The following MVP variants were observed in gnomAD, a reference collection of about 807,000 sequenced individuals.
MVP encodes the protein lung resistance-related protein.
MVP carries 62 observed loss-of-function variants against 83.5 expected under a neutral mutation model. The ratio of observed to expected loss-of-function variants is 0.74; its 90% CI spans 0.61 to 0.92. The LOEUF (loss-of-function observed/expected upper bound fraction) is 0.92. Ranked by LOEUF, MVP falls within the 40% of genes least tolerant of loss-of-function variation. The pLI is 0.00. For synonymous variants in MVP, 505 were observed against 504.1 expected, an observed-to-expected ratio of 1.00 and a Z score of -0.02; for missense variants, 1,000 against 1,203.4, an observed-to-expected ratio of 0.83 and a Z score of 2.50.
chr16:29,839,979 C>A, intron 7 of MVP, 199 bp from the exon 8 acceptor site: 1 of 532,494 alleles, frequency 1.9e-6, no homozygotes, highest in East Asian at 3.0e-5. Context: ...CACATTTGAC[C>A]AGATGAGATT....
chr16:29,826,904 C>A (rs968859111), intron 1 of MVP, among the ~76,000 whole-genome samples: 1 of 143,566 alleles, frequency 7.0e-6, no homozygotes, highest in African/African-American at 2.6e-5. Flanking sequence ...TCCAGCCTGG[C>A]GACAGAGTGA....
In MVP at chr16:29,833,928, T is replaced by TC. The variant is rs763289584; in HGVS notation, c.446-3dup. On this transcript the variant is annotated splice_polypyrimidine_tract_variant and splice_region_variant and intron_variant, in intron 4 of 14. Transcript: ENST00000357402. ...GATACCTTCTGACCATCACCTTCCCTCCCCAGGCACGTACATCCCCCGGAA... is the reference window on the plus strand; with the variant it reads ...GATACCTTCTGACCATCACCTTCCCTCCCCCAGGCACGTACATCCCCCGGAA... The TC allele has an allele frequency of 2.7e-5, 44 of 1,613,850 alleles. No individual in the cohort carries two copies. Among genetic ancestry groups the TC allele is most frequent in the Non-Finnish European group, 3.4e-5 (40 of 1,179,988 alleles).
chr16:29,832,292 C>CTTTTTTTTTTTTTTTTTTTTT (rs36059297), intron 3 of MVP, among the ~76,000 whole-genome samples: 1 of 107,310 alleles, frequency 9.3e-6, no homozygotes, highest in African/African-American at 4.0e-5. Flanking sequence ...ATTCTTGTAC[C>CTTTTTTTTTTTTTTTTTTTTT]TTTTTTTTTT....
intron 3 of MVP, 115 bp from the exon 4 acceptor site, chr16:29,833,618 A>C: frequency 7.0e-7 from 1 of 1,427,602 alleles, no homozygotes; most frequent in East Asian, 2.4e-5. Context: ...CCTCCACCCC[A>C]GTCTTATTTC....
In MVP at chr16:29,833,870, C is replaced by G; in HGVS notation, c.445+14C>G. On this transcript the variant is annotated intron_variant, in intron 4 of 14. Coordinates refer to ENST00000357402, the MANE Select transcript of MVP (RefSeq NM_005115.5). ...TCGAGGGACCTGGTAAGTTCTGTCT[C>G]CATAGGGCTCCCTGCCTTCCTGTCA... The G allele has an allele frequency of 6.2e-7, 1 of 1,614,110 alleles. No individual in the cohort carries two copies. Among genetic ancestry groups the G allele is most frequent in the South Asian group, 1.1e-5 (1 of 91,076 alleles).
At chr16:29,833,021 C>T (rs188719729) in intron 3 of MVP, among the ~76,000 whole-genome samples, 42 of 151,344 alleles carry the variant, frequency 2.8e-4, no homozygotes, top group African/African-American at 8.2e-4. Flanking sequence ...GCTGAGATTG[C>T]GCCACTGCGC....
chr16:29,822,401 C>G (rs1045292485), intron 1 of MVP: 2 of 152,074 alleles, frequency 1.3e-5, no homozygotes, highest in Non-Finnish European at 2.9e-5. Context: ...CAGGAAGCCG[C>G]TGGGTGAAAA....
rs912568766 is a variant in MVP at position 29,847,404 on chromosome 16, G to A, written c.2454+19G>A. 2.6e-6 allele frequency: 4 copies of A among 1,525,656 alleles called. No homozygotes were observed. The highest frequency in any genetic ancestry group is 2.8e-5 in the African/African-American group (2 of 71,734). 94.5% of individuals were successfully genotyped at this position (1,525,656 alleles called of 1,614,324 possible). A position where few individuals can be genotyped will look rare whatever the true frequency, so the allele number is the denominator to read the frequency against. Reference sequence around the variant, plus strand: ...GATGCAGGTGAGAGTTGGGGAAGGTGTGTTGGTTTCAGGACCAACCTTGAA... The same window carrying A: ...GATGCAGGTGAGAGTTGGGGAAGGTATGTTGGTTTCAGGACCAACCTTGAA... On this transcript the variant is annotated intron_variant, in intron 14 of 14. Coordinates refer to ENST00000357402, the MANE Select transcript of MVP (RefSeq NM_005115.5).
At chr16:29,837,063 C>G in intron 7 of MVP, 105 bp downstream of exon 7, 6 of 1,015,520 alleles carry the variant, frequency 5.9e-6, no homozygotes, top group Non-Finnish European at 8.5e-6. Context: ...TCTAGGAACA[C>G]CTTCTGTGCC....
rs934001682 is a variant in MVP at position 29,826,876 on chromosome 16, G to A, written c.-35-3639G>A. The stretch of plus-strand genomic sequence containing the variant: ...GGGGAGGCGGAGGTTGCGGTGAGCC[G>A]AGATTGCGCCACTGCACTCCAGCCT... On this transcript the variant is annotated intron_variant, in intron 1 of 14. Transcript: ENST00000357402. Among the ~76,000 whole-genome samples the A allele has an allele frequency of 2.7e-5, 4 of 149,992 alleles. No homozygotes were observed. The East Asian group carries it at 7.8e-4, about 29-fold the overall frequency.
chr16:29,834,682 CTTT>C (rs781580496), intron 5 of MVP: 5 of 141,250 alleles, frequency 3.5e-5, no homozygotes, highest in Non-Finnish European at 4.7e-5. Flanking sequence ...ACCATTCCCA[CTTT>C]TTTTTTTTTT....
chr16:29,841,522 G>A lies in MVP; in HGVS notation c.1192-74G>A. On this transcript the variant is annotated intron_variant, in intron 8 of 14. Transcript: ENST00000357402. This position sits in a 1 kb window ranked among gnomAD's most constrained non-coding sequence, Gnocchi z 4.7. ...GGCGCGCCTTCCCTGGATGGGCTCTGCTTTGGGACAGCTGGGCGGATCTTC... is the reference window on the plus strand; with the variant it reads ...GGCGCGCCTTCCCTGGATGGGCTCTACTTTGGGACAGCTGGGCGGATCTTC... 4.0e-6 allele frequency: 6 copies of A among 1,508,662 alleles called. No homozygotes were observed. The highest frequency in any genetic ancestry group is 5.3e-6 in the Non-Finnish European group (6 of 1,129,736). 93.5% of individuals were successfully genotyped at this position (1,508,662 alleles called of 1,614,324 possible).
chr16:29,842,222 G>T, intron 10 of MVP, 110 bp downstream of exon 10: 1 of 1,095,646 alleles, frequency 9.1e-7, no homozygotes, highest in Non-Finnish European at 1.3e-6. Flanking sequence ...AGTGAGCCTT[G>T]ATGGCCCCAC....
At position 29,845,848 on chromosome 16, in the gene MVP, C is replaced by T. The variant is rs2067579901; in HGVS notation, c.2022-15C>T. The T allele has an allele frequency of 6.2e-7, 1 of 1,612,062 alleles. No homozygotes were observed. Among genetic ancestry groups the T allele is most frequent in the Non-Finnish European group, 8.5e-7 (1 of 1,178,602 alleles). ...GCCCCATGCCAGCCTCTCACCTGCG[C>T]TCCGTCTCCTCCAGGCATGAGGCTC... On this transcript the variant is annotated splice_polypyrimidine_tract_variant and intron_variant, in intron 11 of 14. Transcript: ENST00000357402.
Position 29,834,048 on chromosome 16 carries a change from G to A in MVP, c.559G>A (p.Gly187Ser), listed in dbSNP as rs762649792. 66 of 1,613,592 alleles carry A rather than the reference G, an allele frequency of 4.1e-5. No individual in the cohort carries two copies. Among genetic ancestry groups the A allele is most frequent in the East Asian group, 6.7e-5 (3 of 44,892 alleles). The stretch of plus-strand genomic sequence containing the variant: ...CCGCAAGGAGTGCTGGGACCGGGAC[G>A]GCAAGGAGAGGGTGACAGGTGGGGT... Reference protein sequence around the residue: ...RARKECWDRDGKERVTGEEWL... With the variant: ...RARKECWDRDSKERVTGEEWL... The change falls in exon 5 of 15, where the codon GGC becomes AGC. Residue 187 changes from glycine (G) to serine (S), a missense_variant. Coordinates refer to ENST00000357402, the MANE Select transcript of MVP (RefSeq NM_005115.5).
chr16:29,830,327 A>G, intron 1 of MVP, 188 bp from the exon 2 acceptor site: 1 of 489,514 alleles, frequency 2.0e-6, no homozygotes. Context: ...TAAGGTCAGG[A>G]TGGGCTGTGT....
intron 1 of MVP, among the ~76,000 whole-genome samples, chr16:29,822,381 G>T (rs2067369482): frequency 6.6e-6 from 1 of 151,930 alleles, no homozygotes; most frequent in African/African-American, 2.4e-5. Context: ...ATCTCCTAAA[G>T]GGGGTAAACC....
chr16:29,837,815 C>A (rs985116565), intron 7 of MVP, among the ~76,000 whole-genome samples: 2 of 152,112 alleles, frequency 1.3e-5, no homozygotes, highest in African/African-American at 4.8e-5. Flanking sequence ...ATGGACTGAA[C>A]TATCATGCAG....
At chr16:29,847,612 C>T (rs925504693) in intron 14 of MVP, 150 bp from the exon 15 acceptor site, 22 of 958,356 alleles carry the variant, frequency 2.3e-5, no homozygotes, top group African/African-American at 1.1e-4. Context: ...ATGGATGGGA[C>T]GCCAGTCTGA....
Sources: allele counts gnomAD v4.1 joint callset (sites outside exome capture counted in the v4.1 genomes callset), GRCh38; gene constraint gnomAD v4.1.1; non-coding constraint Gnocchi (gnomAD v3.1); transcripts MANE v1.5; gene names NCBI Gene and HGNC (gene_info 2026-07-23, HGNC 2026-07-21).